The following SIPA1L3 variants were observed in gnomAD, a reference collection of about 807,000 sequenced individuals.
SIPA1L3 encodes signal induced proliferation associated 1 like 3.
In SIPA1L3, 59 loss-of-function variants were observed where a neutral mutation model predicts 150.1. That is an observed-to-expected ratio of 0.39 (90% confidence interval 0.32 to 0.49). The LOEUF (loss-of-function observed/expected upper bound fraction) is 0.49, where lower values mean the gene tolerates loss of function less well. Ranked by LOEUF, SIPA1L3 falls within the 20% of genes least tolerant of loss-of-function variation. The probability of loss-of-function intolerance (pLI) is 0.86; values close to 1 mark genes in which losing one functional copy is unlikely to be tolerated. For missense variants in SIPA1L3, 2,211 were observed against 2,489.5 expected (o/e 0.89, Z 2.38); for synonymous variants, 1,070 against 1,077.6 (o/e 0.99, Z 0.14).
At chr19:38,067,896 T>C (rs1969632264) in intron 2 of SIPA1L3, among the ~76,000 whole-genome samples, 1 of 152,226 alleles carries the variant, frequency 6.6e-6, no homozygotes, top group African/African-American at 2.4e-5. Context: ...GTCTCTGCCA[T>C]GGCACTAGCT....
chr19:37,993,259 A>T (rs1457670449), intron 1 of SIPA1L3, among the ~76,000 whole-genome samples: 1 of 152,196 alleles, frequency 6.6e-6, no homozygotes, highest in African/African-American at 2.4e-5. Context: ...GAGATGATCT[A>T]TATGAAGCCC....
At chr19:37,928,973 T>A (rs2046529754) in intron 1 of SIPA1L3, among the ~76,000 whole-genome samples, 1 of 152,192 alleles carries the variant, frequency 6.6e-6, no homozygotes, top group Non-Finnish European at 1.5e-5. Context: ...ACAAGATGAC[T>A]GCCAAGGCTC....
intron 1 of SIPA1L3, among the ~76,000 whole-genome samples, chr19:38,013,295 A>G (rs1241016204): frequency 6.6e-6 from 1 of 152,222 alleles, no homozygotes; most frequent in African/African-American, 2.4e-5. Context: ...TCCAAAAAGC[A>G]AAGAACGACC....
chr19:38,039,218 G>T (rs1396710714), intron 2 of SIPA1L3, among the ~76,000 whole-genome samples: 1 of 151,892 alleles, frequency 6.6e-6, no homozygotes, highest in Non-Finnish European at 1.5e-5. Flanking sequence ...CTTGTTTGTT[G>T]TTTAAAAAAA....
intron 1 of SIPA1L3, among the ~76,000 whole-genome samples, chr19:38,017,959 C>T (rs1968276400): frequency 6.6e-6 from 1 of 152,108 alleles, no homozygotes; most frequent in Admixed American, 6.6e-5. Flanking sequence ...ACTGCGGCCA[C>T]ACAGCGCCTC....
chr19:38,009,418 G>A (rs1335579285), intron 1 of SIPA1L3, among the ~76,000 whole-genome samples: 1 of 152,152 alleles, frequency 6.6e-6, no homozygotes, highest in African/African-American at 2.4e-5. Flanking sequence ...TAGGCTGTGT[G>A]CTTAATCTTA....
chr19:38,061,721 G>A (rs1236023589), intron 2 of SIPA1L3, among the ~76,000 whole-genome samples: 2 of 151,730 alleles, frequency 1.3e-5, no homozygotes, highest in Admixed American at 6.6e-5. Context: ...GAGATGGGGC[G>A]GAGATGAAGA....
Position 38,141,309 on chromosome 19 carries a change from A to T in SIPA1L3, c.3269A>T (p.His1090Leu), listed in dbSNP as rs776233238. 1 of 1,613,862 alleles carries T rather than the reference A, an allele frequency of 6.2e-7. No individual in the cohort carries two copies. The highest frequency in any genetic ancestry group is 1.1e-5 in the South Asian group (1 of 91,072). The change falls in exon 11 of 22, where the codon CAT becomes CTT. Residue 1090 changes from histidine to leucine, a missense_variant. His to Leu is a moderately conservative substitution (Grantham distance 99). Coordinates refer to ENST00000222345, the MANE Select transcript of SIPA1L3 (RefSeq NM_015073.3). Reference sequence around the variant, plus strand: ...TGGCAGTGGAGCGGGCCCGCATCCCATAACTCTCTACCAGCCTCCAAGTGG... The same window carrying T: ...TGGCAGTGGAGCGGGCCCGCATCCCTTAACTCTCTACCAGCCTCCAAGTGG... ...APWQWSGPAS[H>L]NSLPASKWAT...
At chr19:37,990,868 T>C (rs1967488103) in intron 1 of SIPA1L3, among the ~76,000 whole-genome samples, 1 of 152,238 alleles carries the variant, frequency 6.6e-6, no homozygotes, top group Non-Finnish European at 1.5e-5. Flanking sequence ...GGTACTGTTG[T>C]TAGCCTTTTT....
Position 38,130,609 on chromosome 19 carries a change from G to A in SIPA1L3, c.2980G>A (p.Gly994Arg). Reference protein sequence around the residue: ...DGTVAEVEDYGFAWQAGLRQG... With the variant: ...DGTVAEVEDYRFAWQAGLRQG... ...CACGGTGGCCGAGGTTGAGGACTAT[G>A]GGTTCGCCTGGCAGGCCGGCCTCCG... is the stretch of plus-strand genomic sequence containing the variant. The change falls in exon 10 of 22, where the codon GGG becomes AGG. Residue 994 changes from glycine to arginine, a missense_variant. Transcript: ENST00000222345. 6.2e-7 allele frequency: 1 copy of A among 1,613,790 alleles called. No homozygotes were observed. The highest frequency in any genetic ancestry group is 2.2e-5 in the East Asian group (1 of 44,878).
At chr19:38,132,853 G>C (rs1971345758) in intron 10 of SIPA1L3, among the ~76,000 whole-genome samples, 1 of 152,060 alleles carries the variant, frequency 6.6e-6, no homozygotes, top group Non-Finnish European at 1.5e-5. Context: ...TCACCATGTT[G>C]GCCAGGCTGG....
Position 38,082,882 on chromosome 19 carries a change from G to A in SIPA1L3, c.1317G>A (p.Glu439=), listed in dbSNP as rs771760129. Reference sequence around the variant, plus strand: ...GCAATGAGATCGGGGGCGAGTGTGAGCGCAACGTGAGCTTCTCCCGGGCTT... The same window carrying A: ...GCAATGAGATCGGGGGCGAGTGTGAACGCAACGTGAGCTTCTCCCGGGCTT... The part of the protein sequence containing the change: ...HFRNEIGGEC[E]RNVSFSRASV... The change falls in exon 3 of 22, where the codon GAG becomes GAA. Residue 439 remains glutamate (E), a synonymous_variant. Coordinates refer to ENST00000222345, the MANE Select transcript of SIPA1L3 (RefSeq NM_015073.3). 6.2e-7 allele frequency: 1 copy of A among 1,613,508 alleles called. No homozygotes were observed. The highest frequency in any genetic ancestry group is 2.2e-5 in the East Asian group (1 of 44,872).
At chr19:38,130,133 G>A (rs553382027) in intron 9 of SIPA1L3, among the ~76,000 whole-genome samples, 1 of 152,138 alleles carries the variant, frequency 6.6e-6, no homozygotes, top group African/African-American at 2.4e-5. Context: ...AGTGCCACTC[G>A]CAACTCTTTG....
intron 16 of SIPA1L3, among the ~76,000 whole-genome samples, chr19:38,189,321 A>T (rs1376156710): frequency 6.6e-6 from 1 of 151,878 alleles, no homozygotes; most frequent in African/African-American, 2.4e-5. Context: ...GTGAGATCTC[A>T]CTGTGTTACC....
intron 15 of SIPA1L3, among the ~76,000 whole-genome samples, chr19:38,167,230 T>TGAAAAAAAAA (rs1685923411): frequency 2.0e-5 from 1 of 50,434 alleles, no homozygotes; most frequent in Non-Finnish European, 4.8e-5. Context: ...AGATTCCATC[T>TGAAAAAAAAA]CAAAAAAAAA....
At chr19:38,049,280 C>T (rs1181869648) in intron 2 of SIPA1L3, among the ~76,000 whole-genome samples, 1 of 152,182 alleles carries the variant, frequency 6.6e-6, no homozygotes, top group Non-Finnish European at 1.5e-5. Context: ...TGTAGCTGTG[C>T]ACACATCCTT....
intron 1 of SIPA1L3, among the ~76,000 whole-genome samples, chr19:37,961,444 T>C (rs2046857681): frequency 6.6e-6 from 1 of 152,174 alleles, no homozygotes; most frequent in Non-Finnish European, 1.5e-5. Flanking sequence ...TGGTGGGAAA[T>C]GAGCTGTCAT....
At chr19:38,139,097 A>G (rs979116500) in intron 10 of SIPA1L3, among the ~76,000 whole-genome samples, 4 of 145,412 alleles carry the variant, frequency 2.8e-5, no homozygotes, top group East Asian at 2.1e-4. Flanking sequence ...TCAGGAGGCT[A>G]AGGCGCGAGA....
chr19:38,079,227 G>A (rs1241870452), intron 2 of SIPA1L3, among the ~76,000 whole-genome samples: 3 of 152,192 alleles, frequency 2.0e-5, no homozygotes, highest in African/African-American at 7.2e-5. Context: ...CAGCTACTCA[G>A]GAGGCTGAGG....
Sources: allele counts gnomAD v4.1 joint callset (sites outside exome capture counted in the v4.1 genomes callset), GRCh38; gene constraint gnomAD v4.1.1; transcripts MANE v1.5; gene names NCBI Gene and HGNC (gene_info 2026-07-23, HGNC 2026-07-21).